The following MGRN1 variants were observed in gnomAD, a reference collection of about 807,000 sequenced individuals.
MGRN1 encodes mahogunin ring finger 1.
A neutral mutation model predicts 69.2 loss-of-function variants in MGRN1; 29 were observed. That is an observed-to-expected ratio of 0.42 (90% CI 0.31 to 0.57). The LOEUF (loss-of-function observed/expected upper bound fraction) is 0.57. MGRN1 is among the 20% of genes least tolerant of loss of function. The pLI, the probability that MGRN1 is intolerant of heterozygous loss-of-function variation, is 0.15. For synonymous variants in MGRN1, 470 were observed against 344.2 expected (o/e 1.37, Z -4.04); for missense variants, 998 against 796.2 (o/e 1.25, Z -3.05).
intron 8 of MGRN1, among the ~76,000 whole-genome samples, chr16:4,670,087 CAG>C (rs973792600): frequency 5.3e-5 from 8 of 152,170 alleles, no homozygotes; most frequent in East Asian, 1.9e-4. Context: ...TGAGACAAGA[CAG>C]AGTCTCGCTC....
chr16:4,628,656 T>G (rs975554411), intron 1 of MGRN1, among the ~76,000 whole-genome samples: 1 of 152,146 alleles, frequency 6.6e-6, no homozygotes, highest in Admixed American at 6.6e-5. Context: ...GCAATTCTCC[T>G]GTTTCAGCCT....
At chr16:4,654,445 T>G (rs571852830) in intron 4 of MGRN1, among the ~76,000 whole-genome samples, 1 of 152,250 alleles carries the variant, frequency 6.6e-6, no homozygotes, top group African/African-American at 2.4e-5. Flanking sequence ...AAACTGCAAC[T>G]TCAGCAGGAG....
intron 12 of MGRN1, among the ~76,000 whole-genome samples, chr16:4,681,153 C>T (rs1393914587): frequency 1.3e-5 from 2 of 152,224 alleles, no homozygotes; most frequent in South Asian, 2.1e-4. Flanking sequence ...TGGTCCAGGA[C>T]GCCCCTGACC....
In MGRN1 at chr16:4,627,009, C is replaced by CCTTTGTGCCTTTTGCCTCTTGCCTT. The variant is rs1897712488; in HGVS notation, c.88+1961_88+1962insCTTTGTGCCTTTTGCCTCTTGCCTT. 1.2e-4 allele frequency among the ~76,000 whole-genome samples: 19 copies of CCTTTGTGCCTTTTGCCTCTTGCCTT among 152,344 alleles called. No homozygotes were observed. The South Asian group carries it at 3.5e-3, about 28-fold the overall frequency. ...TTGTTCTTCTCTTTGTTCATCTCTTCTGGTCCTTGCCTTTGTGCCGCACTG... is the reference window on the plus strand; with the variant it reads ...TTGTTCTTCTCTTTGTTCATCTCTTCCTTTGTGCCTTTTGCCTCTTGCCTTTGGTCCTTGCCTTTGTGCCGCACTG... On this transcript the variant is annotated intron_variant, in intron 1 of 16. Transcript: ENST00000262370.
chr16:4,688,646 T>C, intron 16 of MGRN1, 150 bp from the exon 17 acceptor site: 2 of 1,429,806 alleles, frequency 1.4e-6, no homozygotes, highest in Non-Finnish European at 9.2e-7. Context: ...CTTGGTGTGC[T>C]CACATCTGAG....
At chr16:4,671,341 C>T in intron 8 of MGRN1, 50 bp from the exon 9 acceptor site, 1 of 1,584,482 alleles carries the variant, frequency 6.3e-7, no homozygotes, top group Non-Finnish European at 8.7e-7. Flanking sequence ...ATGGAGGAGC[C>T]CTCATATGGC....
chr16:4,688,702 GGCCCAGCCC>G, intron 16 of MGRN1, 85 bp from the exon 17 acceptor site: 6 of 1,460,272 alleles, frequency 4.1e-6, no homozygotes, highest in Non-Finnish European at 5.5e-6. Context: ...GGTGCTGGAT[GGCCCAGCCC>G]CTCTGGGGCT....
chr16:4,687,364 CAT>C (rs2079350274), intron 16 of MGRN1: 1 of 936,138 alleles, frequency 1.1e-6, no homozygotes, highest in Admixed American at 6.2e-5. Context: ...GTGTAGAAAA[CAT>C]AGACCCCCTC....
chr16:4,666,252 C>A (rs1015424444), intron 7 of MGRN1, among the ~76,000 whole-genome samples: 2 of 152,238 alleles, frequency 1.3e-5, no homozygotes, highest in East Asian at 3.9e-4. Flanking sequence ...CTTCAGCCTC[C>A]CGAGTAGCTG....
intron 16 of MGRN1, among the ~76,000 whole-genome samples, chr16:4,685,925 G>C (rs1173852786): frequency 6.6e-6 from 1 of 152,150 alleles, no homozygotes; most frequent in African/African-American, 2.4e-5. Context: ...CCCTGAGCTC[G>C]GTCCTGTCTA....
chr16:4,625,117 C>T (rs1248185606), intron 1 of MGRN1, 69 bp downstream of exon 1: 4 of 1,370,762 alleles, frequency 2.9e-6, no homozygotes, highest in African/African-American at 3.1e-5. Flanking sequence ...GGCGCGGGGG[C>T]GGGGACTCGG....
intron 16 of MGRN1, chr16:4,688,339 C>G (rs1294137121): frequency 1.0e-6 from 1 of 989,758 alleles, no homozygotes; most frequent in Admixed American, 6.1e-5. Context: ...CAGTAGCCAT[C>G]CGGGGGCTAC....
intron 10 of MGRN1, among the ~76,000 whole-genome samples, chr16:4,675,992 C>T (rs1032639014): frequency 6.6e-6 from 1 of 152,224 alleles, no homozygotes; most frequent in African/African-American, 2.4e-5. Flanking sequence ...TGGGTCCTGG[C>T]GGTGGGGCCG....
intron 1 of MGRN1, among the ~76,000 whole-genome samples, chr16:4,629,008 T>C (rs1897846671): frequency 6.6e-6 from 1 of 152,110 alleles, no homozygotes; most frequent in East Asian, 1.9e-4. Flanking sequence ...GGCTAATTTT[T>C]GTATTTTTAG....
chr16:4,688,081 C>G lies in MGRN1; in HGVS notation c.1619-715C>G, dbSNP rs1017429154. The G allele has an allele frequency of 1.0e-5, 10 of 985,452 alleles. No homozygotes were observed. The African/African-American group carries it at 1.4e-4, about 14-fold the overall frequency. The allele number at this position is 985,452 out of a possible 1,614,324, so 61.0% of individuals were successfully genotyped here. A position where few individuals can be genotyped will look rare whatever the true frequency, so the allele number is the denominator to read the frequency against. On this transcript the variant is annotated intron_variant, in intron 16 of 16. Coordinates refer to ENST00000262370, the MANE Select transcript of MGRN1 (RefSeq NM_015246.4). ...CGGAAACCTGCTCTCGCCGCGGCCC[C>G]CGAAGAAAATAGACGCCCTTCACCG...
At chr16:4,679,756 C>G (rs1216963895) in intron 11 of MGRN1, among the ~76,000 whole-genome samples, 1 of 152,212 alleles carries the variant, frequency 6.6e-6, no homozygotes, top group Non-Finnish European at 1.5e-5. Context: ...CCCCAGGTGA[C>G]CCAGACTGCG....
At chr16:4,634,991 C>T (rs1478999008) in intron 1 of MGRN1, 5 of 152,230 alleles carry the variant, frequency 3.3e-5, no homozygotes, top group African/African-American at 1.2e-4. Context: ...AACAGATGCT[C>T]TCTGTGATGT....
chr16:4,666,935 G>C (rs148840118), intron 7 of MGRN1, among the ~76,000 whole-genome samples: 270 of 152,332 alleles, frequency 1.8e-3, no homozygotes, highest in African/African-American at 6.1e-3. Flanking sequence ...CCTGGCATGG[G>C]TTTCTGCTGA....
Position 4,657,374 on chromosome 16 carries a change from C to G in MGRN1, c.561+11C>G, listed in dbSNP as rs569344633. The G allele has an allele frequency of 6.2e-7, 1 of 1,611,218 alleles. No homozygotes were observed. ...TGGAAGGATGACGAGGTAATGCTGGCTGGGCGGCTCCTTGCCCTTCGCTCC... is the reference window on the plus strand; with the variant it reads ...TGGAAGGATGACGAGGTAATGCTGGGTGGGCGGCTCCTTGCCCTTCGCTCC... On this transcript the variant is annotated intron_variant, in intron 5 of 16. Coordinates refer to ENST00000262370, the MANE Select transcript of MGRN1 (RefSeq NM_015246.4).
Sources: gnomAD v4.1 joint callset for allele counts (sites outside exome capture counted in the v4.1 genomes callset) on GRCh38, gnomAD v4.1.1 for gene constraint, MANE v1.5 for transcripts, NCBI Gene and HGNC (gene_info 2026-07-23, HGNC 2026-07-21) for gene names.